The following LATS1 variants were observed in gnomAD, a reference collection of about 807,000 sequenced individuals.
LATS1 encodes the protein large tumor suppressor kinase 1, also known as serine/threonine-protein kinase LATS1.
A neutral mutation model predicts 106.6 loss-of-function variants in LATS1; 25 were observed. The observed-to-expected ratio is 0.23, with a 90% CI of 0.17 to 0.33. LATS1 has a LOEUF of 0.33. Among genes scored for constraint, LATS1 ranks in the 10% least tolerant of loss-of-function variants. The pLI, the probability that LATS1 is intolerant of heterozygous loss-of-function variation, is 1.00. For missense variants in LATS1, 1,040 were observed against 1,382.6 expected, an observed-to-expected ratio of 0.75 and a Z score of 3.93; for synonymous variants, 465 against 455.6, an observed-to-expected ratio of 1.02 and a Z score of -0.26.
In LATS1 at chr6:149,717,707, C is replaced by G. The variant is rs115203354; in HGVS notation, c.-141+142G>C. ...CTCGGGTCAATGCAACCAGCCAAGT[C>G]AGGCCCGGAGCGGGCCGGCTCTGCC... On this transcript the variant is annotated intron_variant, in intron 1 of 7. Transcript: ENST00000543571. 1,299 of 204,682 alleles carry G rather than the reference C, an allele frequency of 6.3e-3. 24 individuals carry two copies. The highest frequency in any genetic ancestry group is 0.029 in the African/African-American group (1,224 of 41,812). 12.7% of individuals were successfully genotyped at this position (204,682 alleles called of 1,614,324 possible).
In LATS1 at chr6:149,693,743, C is replaced by T. The variant is rs572701210; in HGVS notation, c.496+1331G>A. On this transcript the variant is annotated intron_variant, in intron 3 of 7. Coordinates refer to ENST00000543571, the MANE Select transcript of LATS1 (RefSeq NM_004690.4). Reference sequence around the variant, plus strand: ...ATTAAACAGACAAAAATAATAATACCGAGGCTTTACAAACATAGGCATTCT... The same window carrying T: ...ATTAAACAGACAAAAATAATAATACTGAGGCTTTACAAACATAGGCATTCT... Among the ~76,000 whole-genome samples the T allele has an allele frequency of 5.3e-5, 8 of 151,912 alleles. No individual in the cohort carries two copies. The South Asian group carries it at 1.2e-3, about 24-fold the overall frequency.
intron 2 of LATS1, among the ~76,000 whole-genome samples, chr6:149,698,840 C>T (rs1050880797): frequency 3.9e-5 from 6 of 151,954 alleles, no homozygotes; most frequent in Admixed American, 3.3e-4. Flanking sequence ...AGGATACAGG[C>T]GTGAGCCACC....
intron 4 of LATS1, among the ~76,000 whole-genome samples, chr6:149,680,850 G>C (rs541621192): frequency 2.5e-4 from 37 of 150,486 alleles, no homozygotes; most frequent in Non-Finnish European, 3.0e-4. Flanking sequence ...GGAATGCCTA[G>C]GCCTCAAATA....
In LATS1 at chr6:149,698,841, G is replaced by A. The variant is rs547878350; in HGVS notation, c.348+2938C>T. On this transcript the variant is annotated intron_variant, in intron 2 of 7. Coordinates refer to ENST00000543571, the MANE Select transcript of LATS1 (RefSeq NM_004690.4). ...CCTCCCAAAGTGCTAGGATACAGGC[G>A]TGAGCCACCATGCCTAGCCAGAAGT... 9.9e-5 allele frequency among the ~76,000 whole-genome samples: 15 copies of A among 152,152 alleles called. No individual in the cohort carries two copies. The East Asian group carries it at 1.9e-3, about 20-fold the overall frequency.
chr6:149,692,071 C>A (rs1234171661), intron 3 of LATS1, among the ~76,000 whole-genome samples: 1 of 152,158 alleles, frequency 6.6e-6, no homozygotes, highest in Non-Finnish European at 1.5e-5. Context: ...TCATATCTAT[C>A]CTCACACCTC....
chr6:149,707,804 A>G (rs1344061857), intron 1 of LATS1, among the ~76,000 whole-genome samples: 1 of 152,182 alleles, frequency 6.6e-6, no homozygotes, highest in Non-Finnish European at 1.5e-5. Flanking sequence ...ATGAGACAGA[A>G]GTTTTCATTT....
At chr6:149,676,032 T>G in intron 7 of LATS1, 1 of 462,418 alleles carries the variant, frequency 2.2e-6, no homozygotes, top group Non-Finnish European at 3.9e-6. Context: ...AAATATTTGT[T>G]TGTAGAGATG....
chr6:149,684,134 C>T lies in LATS1; in HGVS notation c.955G>A (p.Gly319Ser), dbSNP rs953542702. Residue 319 changes from glycine to serine, a missense_variant, in exon 4 of 8, where the codon GGC becomes AGC. Transcript: ENST00000543571. ...PMNPPNQGQR[G>S]ISSVPVGRQP... The stretch of plus-strand genomic sequence containing the variant: ...CTGCCAACAGGAACAGAACTAATGC[C>T]TCTCTGTCCTTGATTAGGAGGATTC... 4.3e-6 allele frequency: 7 copies of T among 1,614,170 alleles called. No homozygotes were observed. The highest frequency in any genetic ancestry group is 5.9e-6 in the Non-Finnish European group (7 of 1,180,010).
chr6:149,689,096 G>A (rs1267045596), intron 3 of LATS1, among the ~76,000 whole-genome samples: 7 of 152,026 alleles, frequency 4.6e-5, no homozygotes, highest in African/African-American at 1.4e-4. Flanking sequence ...GGAACTCAGG[G>A]GGCGGAGGTT....
At chr6:149,713,890 C>T (rs921986978) in intron 1 of LATS1, among the ~76,000 whole-genome samples, 1 of 152,134 alleles carries the variant, frequency 6.6e-6, no homozygotes, top group African/African-American at 2.4e-5. Flanking sequence ...GAACTCCTAA[C>T]CTCAGGTGAT....
intron 1 of LATS1, among the ~76,000 whole-genome samples, chr6:149,717,391 T>C (rs1163865181): frequency 6.6e-6 from 1 of 152,192 alleles, no homozygotes; most frequent in Non-Finnish European, 1.5e-5. Flanking sequence ...AAAATCACAC[T>C]GAACTAGACG....
chr6:149,706,183 CAAAAAAAAAAAAAAAAAAA>C (rs60729757), intron 1 of LATS1, among the ~76,000 whole-genome samples: 48 of 25,290 alleles, frequency 1.9e-3, no homozygotes, highest in South Asian at 4.2e-3. Flanking sequence ...AACCCGGTCG[CAAAAAAAAAAAAAAAAAAA>C]AAAAAAAAAA....
At chr6:149,687,497 A>C (rs1782457821) in intron 3 of LATS1, among the ~76,000 whole-genome samples, 1 of 151,842 alleles carries the variant, frequency 6.6e-6, no homozygotes, top group Non-Finnish European at 1.5e-5. Flanking sequence ...TGGCATGATC[A>C]TGAATCACTG....
Position 149,684,270 on chromosome 6 carries a change from T to C in LATS1, c.819A>G (p.Gln273=), listed in dbSNP as rs763300798. The C allele has an allele frequency of 6.2e-7, 1 of 1,613,958 alleles. No homozygotes were observed. The highest frequency in any genetic ancestry group is 8.5e-7 in the Non-Finnish European group (1 of 1,179,980). The part of the protein sequence containing the change: ...PPPPSWEPNS[Q]TKRYSGNMEY... ...CCATGTTTCCAGAATAGCGCTTTGTTTGAGAGTTTGGTTCCCATGAAGGGG... is the reference window on the plus strand; with the variant it reads ...CCATGTTTCCAGAATAGCGCTTTGTCTGAGAGTTTGGTTCCCATGAAGGGG... The change falls in exon 4 of 8, where the codon CAA becomes CAG. Residue 273 remains glutamine, a synonymous_variant. Transcript: ENST00000543571.
chr6:149,704,514 T>A (rs1283116121), intron 1 of LATS1, among the ~76,000 whole-genome samples: 3 of 141,654 alleles, frequency 2.1e-5, no homozygotes, highest in Non-Finnish European at 4.6e-5. Flanking sequence ...TGAGACAGGG[T>A]CTCATTCTGT....
At chr6:149,706,131 C>T (rs1783748484) in intron 1 of LATS1, among the ~76,000 whole-genome samples, 1 of 121,978 alleles carries the variant, frequency 8.2e-6, no homozygotes, top group South Asian at 2.7e-4. Context: ...TGTGGTGAGC[C>T]GAGATCGTGC....
chr6:149,661,543 G>A lies in LATS1; in HGVS notation c.*186C>T, dbSNP rs936235781. The A allele has an allele frequency of 4.1e-5, 20 of 488,958 alleles. No homozygotes were observed. The highest frequency in any genetic ancestry group is 3.8e-4 in the African/African-American group (19 of 50,264). The allele number at this position is 488,958 out of a possible 1,614,324, so 30.3% of individuals were successfully genotyped here. On this transcript the variant is annotated 3_prime_UTR_variant, in exon 8 of 8. Transcript: ENST00000543571. The stretch of plus-strand genomic sequence containing the variant: ...TTATAACAATTTTTTTCTAAATACT[G>A]ATTTAAACGGCTGGAATAAATTAAC...
rs910850396 is a variant in LATS1, at chr6:149,661,098, T to G, written c.*631A>C. 2.0e-4 allele frequency: 20 copies of G among 100,452 alleles called. No homozygotes were observed. Among genetic ancestry groups the G allele is most frequent in the African/African-American group, 7.4e-4 (19 of 25,748 alleles). 6.2% of individuals were successfully genotyped at this position (100,452 alleles called of 1,614,324 possible). A position where few individuals can be genotyped will look rare whatever the true frequency, so the allele number is the denominator to read the frequency against. ...GCAAGAAGATTAAATAGATTAAATA[T>G]TCCATGGGGCGGGGGGTGGGGGGGA... On this transcript the variant is annotated 3_prime_UTR_variant, in exon 8 of 8. Coordinates refer to ENST00000543571, the MANE Select transcript of LATS1 (RefSeq NM_004690.4).
At chr6:149,692,055 C>T (rs1342477166) in intron 3 of LATS1, among the ~76,000 whole-genome samples, 1 of 152,162 alleles carries the variant, frequency 6.6e-6, no homozygotes, top group Non-Finnish European at 1.5e-5. Context: ...CCTATCACAC[C>T]TGTCCTCATA....
Sources: allele counts gnomAD v4.1 joint callset (sites outside exome capture counted in the v4.1 genomes callset), GRCh38; gene constraint gnomAD v4.1.1; transcripts MANE v1.5; gene names NCBI Gene and HGNC (gene_info 2026-07-23, HGNC 2026-07-21).